The following ZNF775 variants were observed in gnomAD, a reference collection of about 807,000 sequenced individuals.
ZNF775 encodes the protein zinc finger protein 775.
ZNF775 carries 1 observed loss-of-function variant against 2.4 expected under a neutral mutation model. The observed-to-expected ratio is 0.41, with a 90% CI of 0.15 to 1.94. The LOEUF is 1.94. Among genes scored for constraint, ZNF775 ranks in the 30% most tolerant of loss-of-function variants. ZNF775 has a pLI of 0.30. For missense variants in ZNF775, 823 were observed against 826.6 expected (o/e 1.00, Z 0.05); for synonymous variants, 381 against 373.3 (o/e 1.02, Z -0.24).
At chr7:150,392,516 C>T (rs979621148) in intron 2 of ZNF775, among the ~76,000 whole-genome samples, 3 of 150,822 alleles carry the variant, frequency 2.0e-5, no homozygotes, top group Non-Finnish European at 2.9e-5. Context: ...GTCAAGAGTT[C>T]GGTTTTATTT....
chr7:150,389,513 G>C (rs1040224782), intron 2 of ZNF775, among the ~76,000 whole-genome samples: 33 of 152,248 alleles, frequency 2.2e-4, no homozygotes, highest in Non-Finnish European at 4.6e-4. Flanking sequence ...CACCCTAGCT[G>C]CATGTGTGTT....
chr7:150,390,200 A>G (rs1044046751), intron 2 of ZNF775, among the ~76,000 whole-genome samples: 3 of 152,036 alleles, frequency 2.0e-5, no homozygotes, highest in Non-Finnish European at 4.4e-5. Flanking sequence ...TGCGCTCTTC[A>G]TATGGATACC....
At chr7:150,389,900 TGTGTGTGTGTGTGTG>T (rs770567391) in intron 2 of ZNF775, among the ~76,000 whole-genome samples, 10,939 of 41,808 alleles carry the variant, frequency 0.26, 861 homozygotes, top group African/African-American at 0.34. Context: ...TGTGTGTGTG[TGTGTGTGTGTGTGTG>T]TGTGTTATGG....
chr7:150,396,626 C>T lies in ZNF775; in HGVS notation c.145C>T (p.Arg49Trp), dbSNP rs1263733750. 47 of 1,610,406 alleles carry T rather than the reference C, an allele frequency of 2.9e-5. No individual in the cohort carries two copies. The highest frequency in any genetic ancestry group is 3.9e-5 in the Non-Finnish European group (46 of 1,179,210). Residue 49 changes from arginine to tryptophan, a missense_variant, in exon 3 of 3, where the codon CGG becomes TGG. Transcript: ENST00000329630. ...CAAGGAGAACATATTTCAGCAGCAC[C>T]GGGGCCTCCCGCCACGCCAGACCAT... ...KDKENIFQQH[R>W]GLPPRQTMGR...
chr7:150,387,374 T>TG (rs1800471647), intron 1 of ZNF775, among the ~76,000 whole-genome samples: 1 of 149,164 alleles, frequency 6.7e-6, no homozygotes, highest in Non-Finnish European at 1.5e-5. Context: ...GATAGAAGTG[T>TG]GGGGGGCAAG....
chr7:150,379,561 C>T (rs1457209952), intron 1 of ZNF775, among the ~76,000 whole-genome samples, 169 bp downstream of exon 1: 2 of 152,018 alleles, frequency 1.3e-5, no homozygotes, highest in Non-Finnish European at 2.9e-5. Context: ...GAGCCCCGCG[C>T]GCCCCCCGAG....
rs775829700 is a variant in ZNF775 at position 150,396,783 on chromosome 7, C to T, written c.302C>T (p.Ser101Phe). The T allele has an allele frequency of 1.3e-6, 2 of 1,595,086 alleles. No individual in the cohort carries two copies. The highest frequency in any genetic ancestry group is 1.7e-6 in the Non-Finnish European group (2 of 1,172,128). ...TCCGGCCCCCTGAGCCCCTCGCTTT[C>T]CTCCGGCGAGGGTCACTTTGTATGC... ...SASGPLSPSL[S>F]SGEGHFVCLD... The change falls in exon 3 of 3, where the codon TCC becomes TTC. Residue 101 changes from serine (S) to phenylalanine (F), a missense_variant. Ser to Phe is a radical substitution (Grantham distance 155). Coordinates refer to ENST00000329630, the MANE Select transcript of ZNF775 (RefSeq NM_173680.4).
At chr7:150,386,029 G>T (rs2129620945) in intron 1 of ZNF775, among the ~76,000 whole-genome samples, 1 of 152,208 alleles carries the variant, frequency 6.6e-6, no homozygotes, top group Non-Finnish European at 1.5e-5. Context: ...TCTGCCTCCT[G>T]AGTTCAAACA....
chr7:150,391,150 C>T (rs1327625436), intron 2 of ZNF775, among the ~76,000 whole-genome samples: 2 of 152,166 alleles, frequency 1.3e-5, no homozygotes, highest in South Asian at 2.1e-4. Context: ...TTTTCCTGGA[C>T]TTGCACTGTC....
intron 1 of ZNF775, among the ~76,000 whole-genome samples, chr7:150,385,399 G>A (rs1800432343): frequency 6.6e-6 from 1 of 152,140 alleles, no homozygotes; most frequent in Admixed American, 6.5e-5. Flanking sequence ...AATCCCCCGA[G>A]CAACTGCAAA....
chr7:150,397,538 C>G lies in ZNF775; in HGVS notation c.1057C>G (p.Leu353Val), dbSNP rs1197299633. The G allele has an allele frequency of 1.3e-6, 2 of 1,555,176 alleles. No homozygotes were observed. Among genetic ancestry groups the G allele is most frequent in the African/African-American group, 1.4e-5 (1 of 73,046 alleles). The change falls in exon 3 of 3, where the codon CTC becomes GTC. Residue 353 changes from leucine (L) to valine (V), a missense_variant. Coordinates refer to ENST00000329630, the MANE Select transcript of ZNF775 (RefSeq NM_173680.4). Reference sequence around the variant, plus strand: ...CGGCTTCCGCCAGAAGCAGCACCTGCTCAAGCACCTGCGCACGCACCTGCC... The same window carrying G: ...CGGCTTCCGCCAGAAGCAGCACCTGGTCAAGCACCTGCGCACGCACCTGCC... ...GRGFRQKQHL[L>V]KHLRTHLPGA...
Position 150,398,316 on chromosome 7 carries a change from C to G in ZNF775, c.*221C>G. The G allele has an allele frequency of 2.7e-6, 2 of 744,594 alleles. No homozygotes were observed. Among genetic ancestry groups the G allele is most frequent in the African/African-American group, 1.8e-5 (1 of 55,396 alleles). The allele number at this position is 744,594 out of a possible 1,614,324, so 46.1% of individuals were successfully genotyped here. ...GGGAGGAGGGAAGATCCGAGTTCCT[C>G]ACCGCGGGCCGGGATGTGACCACCC... On this transcript the variant is annotated 3_prime_UTR_variant, in exon 3 of 3. Transcript: ENST00000329630.
chr7:150,397,237 G>A lies in ZNF775; in HGVS notation c.756G>A (p.Trp252Ter). ...CGCGGGGGCGCCCCGAGTGGGCCTGGCTGGGGCTCTGCCAGGGCTGGTGGG... is the reference window on the plus strand; with the variant it reads ...CGCGGGGGCGCCCCGAGTGGGCCTGACTGGGGCTCTGCCAGGGCTGGTGGG... ...GPPRGRPEWA[W>*]LGLCQGWWGQ... The change falls in exon 3 of 3, where the codon TGG (tryptophan) becomes TGA (stop). Residue 252 changes from tryptophan to a stop codon, truncating the protein, a stop_gained. Coordinates refer to ENST00000329630, the MANE Select transcript of ZNF775 (RefSeq NM_173680.4). LOFTEE classifies it low-confidence loss of function (END_TRUNC). The A allele has an allele frequency of 4.8e-6, 6 of 1,248,634 alleles. No individual in the cohort carries two copies. The highest frequency in any genetic ancestry group is 6.1e-6 in the Non-Finnish European group (6 of 991,340). The allele number at this position is 1,248,634 out of a possible 1,614,324, so 77.3% of individuals were successfully genotyped here.
In ZNF775 at chr7:150,397,390, C is replaced by T; in HGVS notation, c.909C>T (p.His303=). Residue 303 remains histidine, a synonymous_variant, in exon 3 of 3, where the codon CAC becomes CAT. Transcript: ENST00000329630. ...CGCTGAACATCCACCAGCGCATCCA[C>T]ACTGGCGAGCGCCCCTATGCGTGCC... The part of the protein sequence containing the change: ...WSSLNIHQRI[H]TGERPYACPE... 6.3e-7 allele frequency: 1 copy of T among 1,598,552 alleles called. No individual in the cohort carries two copies. Among genetic ancestry groups the T allele is most frequent in the Non-Finnish European group, 8.5e-7 (1 of 1,175,352 alleles).
At position 150,388,455 on chromosome 7, in the gene ZNF775, TG is replaced by T; in HGVS notation, c.-13del. On this transcript the variant is annotated 5_prime_UTR_variant, in exon 2 of 3. Coordinates refer to ENST00000329630, the MANE Select transcript of ZNF775 (RefSeq NM_173680.4). ...AAAGGGACACAGCCGGCGCTGATGC[TG>T]GGAGGCCTCCAGGGATGGAGAGTGG... 1 of 1,551,736 alleles carries T rather than the reference TG, an allele frequency of 6.4e-7. No homozygotes were observed. The highest frequency in any genetic ancestry group is 1.2e-5 in the South Asian group (1 of 84,070).
At chr7:150,395,209 A>G (rs568312137) in intron 2 of ZNF775, among the ~76,000 whole-genome samples, 6 of 152,154 alleles carry the variant, frequency 3.9e-5, no homozygotes, top group African/African-American at 1.4e-4. Context: ...TTTCATATAG[A>G]TTTTCAAATT....
chr7:150,387,947 T>C (rs532482995), intron 1 of ZNF775, among the ~76,000 whole-genome samples: 1 of 152,300 alleles, frequency 6.6e-6, no homozygotes, highest in East Asian at 1.9e-4. Flanking sequence ...GGATGGGGAC[T>C]TTGAAAGAGG....
rs535705895 is a variant in ZNF775 at position 150,391,706 on chromosome 7, C to CTTTTTTTTTTTTT, written c.31+3214_31+3226dup. Among the ~76,000 whole-genome samples the CTTTTTTTTTTTTT allele has an allele frequency of 3.1e-4, 23 of 73,562 alleles. 2 individuals are homozygous for CTTTTTTTTTTTTT. The highest frequency in any genetic ancestry group is 1.0e-3 in the South Asian group (2 of 1,974). The allele number at this position is 73,562 out of a possible 152,430, so 48.3% of individuals were successfully genotyped here. A position where few individuals can be genotyped will look rare whatever the true frequency, so the allele number is the denominator to read the frequency against. On this transcript the variant is annotated intron_variant, in intron 2 of 2. Transcript: ENST00000329630. ...ATTCCCATTTCTTTTTCCTTTCTTT[C>CTTTTTTTTTTTTT]TTTTTTTTTTTTTTTTTTTTTGAGA...
chr7:150,386,061 G>T (rs905399094), intron 1 of ZNF775, among the ~76,000 whole-genome samples: 1 of 151,992 alleles, frequency 6.6e-6, no homozygotes, highest in African/African-American at 2.4e-5. Context: ...TCAGCTTCCC[G>T]AGTAGCTGGG....
Sources: gnomAD v4.1 joint callset for allele counts (sites outside exome capture counted in the v4.1 genomes callset) on GRCh38, gnomAD v4.1.1 for gene constraint, MANE v1.5 for transcripts, NCBI Gene and HGNC (gene_info 2026-07-23, HGNC 2026-07-21) for gene names.